MROH1: variants seen among roughly 807,000 people sequenced by gnomAD.
MROH1 encodes maestro heat like repeat family member 1.
Under a neutral mutation model 116.5 loss-of-function variants are expected in MROH1, and 117 were observed. The ratio of observed to expected loss-of-function variants is 1.00; its 90% CI spans 0.86 to 1.17. MROH1 has a LOEUF of 1.17. Ranked by LOEUF, MROH1 falls within the 50% of genes most tolerant of loss-of-function variation. MROH1 has a pLI of 0.00. For synonymous variants in MROH1, 921 were observed against 583.9 expected, an observed-to-expected ratio of 1.58 and a Z score of -8.32; for missense variants, 1,873 against 1,338.5, an observed-to-expected ratio of 1.40 and a Z score of -6.23.
At position 144,261,435 on chromosome 8, in the gene MROH1, A is replaced by C. The variant is rs908078026; in HGVS notation, c.4840+86A>C. 5.0e-4 allele frequency: 352 copies of C among 700,042 alleles called. 7 individuals are homozygous for C. The East Asian group carries it at 9.4e-3, about 19-fold the overall frequency. 43.4% of individuals were successfully genotyped at this position (700,042 alleles called of 1,614,324 possible). A position where few individuals can be genotyped will look rare whatever the true frequency, so the allele number is the denominator to read the frequency against. ...GGACTAAGTGATTTTCCTGGATTTC[A>C]GGACTTTTTCCCTGTCACTGGTGAC... On this transcript the variant is annotated intron_variant, in intron 43 of 43. Coordinates refer to ENST00000326134, the MANE Select transcript of MROH1 (RefSeq NM_032450.3).
chr8:144,240,359 G>A (rs1369437642), intron 19 of MROH1, among the ~76,000 whole-genome samples: 4 of 152,138 alleles, frequency 2.6e-5, no homozygotes, highest in South Asian at 2.1e-4. Context: ...TCTAGCAGTC[G>A]CAGCCCCAAG....
chr8:144,242,692 T>C (rs1841212505), intron 24 of MROH1, 64 bp downstream of exon 24: 2 of 752,586 alleles, frequency 2.7e-6, no homozygotes, highest in Admixed American at 1.9e-5. Context: ...TCTGGGCGGG[T>C]TGAGCTTCAT....
chr8:144,241,767 G>A (rs978860119), intron 22 of MROH1, among the ~76,000 whole-genome samples: 2 of 152,238 alleles, frequency 1.3e-5, no homozygotes, highest in Admixed American at 6.5e-5. Flanking sequence ...GGTGATGAGA[G>A]GGGTTCGCGG....
chr8:144,176,570 G>A lies in MROH1; in HGVS notation c.169-2885G>A, dbSNP rs114877879. On this transcript the variant is annotated intron_variant, in intron 4 of 43. Transcript: ENST00000326134. Reference sequence around the variant, plus strand: ...AAAAAAAAGAAATTTGGCCCGGTATGATGGCTCATGCCTATAATCTCAGCA... The same window carrying A: ...AAAAAAAAGAAATTTGGCCCGGTATAATGGCTCATGCCTATAATCTCAGCA... Among the ~76,000 whole-genome samples, 1,044 of 149,698 alleles carry A rather than the reference G, an allele frequency of 7.0e-3. 9 individuals carry two copies. The highest frequency in any genetic ancestry group is 0.024 in the African/African-American group (989 of 40,918).
intron 10 of MROH1, among the ~76,000 whole-genome samples, chr8:144,194,559 G>T (rs954544704): frequency 1.3e-5 from 2 of 152,180 alleles, no homozygotes; most frequent in Admixed American, 6.5e-5. Flanking sequence ...AACCAGGAGG[G>T]AAGGGAAGAT....
chr8:144,148,864 T>C (rs1816052677), intron 1 of MROH1: 1 of 152,562 alleles, frequency 6.6e-6, no homozygotes, highest in African/African-American at 2.4e-5. Flanking sequence ...GACAGACTCA[T>C]AAACTCAAGT....
intron 12 of MROH1, among the ~76,000 whole-genome samples, chr8:144,219,258 G>A (rs960871388): frequency 6.6e-6 from 1 of 152,016 alleles, no homozygotes; most frequent in East Asian, 1.9e-4. Context: ...TCCTGACCTC[G>A]TGATCCGCCC....
chr8:144,148,905 G>A (rs1363189611), intron 1 of MROH1: 1 of 152,508 alleles, frequency 6.6e-6, no homozygotes, highest in East Asian at 1.9e-4. Context: ...GGGGTACGGG[G>A]GTGTGGCCGA....
intron 32 of MROH1, among the ~76,000 whole-genome samples, chr8:144,249,705 C>G (rs886551581): frequency 6.6e-6 from 1 of 152,162 alleles, no homozygotes; most frequent in Non-Finnish European, 1.5e-5. Context: ...ACTCACAGCC[C>G]CCCCCAAGTC....
intron 1 of MROH1, among the ~76,000 whole-genome samples, chr8:144,157,883 G>A (rs1818543333): frequency 6.6e-6 from 1 of 150,932 alleles, no homozygotes. Flanking sequence ...TTGCCATGTT[G>A]CCCAGGTGGT....
At chr8:144,161,879 C>G (rs369985097) in intron 2 of MROH1, among the ~76,000 whole-genome samples, 1 of 152,216 alleles carries the variant, frequency 6.6e-6, no homozygotes, top group East Asian at 1.9e-4. Context: ...CCACTCAGCC[C>G]AGCTTCTCCG....
rs1817784610 is a variant in MROH1 at position 144,155,369 on chromosome 8, G to C, written c.-176-5601G>C. On this transcript the variant is annotated intron_variant, in intron 1 of 43. Transcript: ENST00000326134. The stretch of plus-strand genomic sequence containing the variant: ...TTTTAACTTCTTACAACAGATTTGT[G>C]TATATTTCATGGTAGTAAATGATAA... Among the ~76,000 whole-genome samples, 5 of 152,266 alleles carry C rather than the reference G, an allele frequency of 3.3e-5. No individual in the cohort carries two copies. The South Asian group carries it at 1.0e-3, about 32-fold the overall frequency.
intron 35 of MROH1, 82 bp downstream of exon 35, chr8:144,255,787 G>A (rs935936983): frequency 1.7e-4 from 119 of 680,778 alleles, no homozygotes; most frequent in South Asian, 2.6e-4. Context: ...GGGGGCGGAC[G>A]GCAGATCTGA....
rs891592826 is a variant in MROH1, at chr8:144,255,737, C to G, written c.3791+32C>G. On this transcript the variant is annotated intron_variant, in intron 35 of 43. Transcript: ENST00000326134. The stretch of plus-strand genomic sequence containing the variant: ...GGGTCCCCACTTCCCACCTCCAGTA[C>G]TGATTCGGAAGCACAGGCATGCGTG... 1.6e-4 allele frequency: 117 copies of G among 728,314 alleles called. No homozygotes were observed. In the African/African-American group the frequency reaches 1.6e-3, roughly 10 times the overall value. 45.1% of individuals were successfully genotyped at this position (728,314 alleles called of 1,614,324 possible). A position where few individuals can be genotyped will look rare whatever the true frequency, so the allele number is the denominator to read the frequency against.
intron 14 of MROH1, among the ~76,000 whole-genome samples, chr8:144,228,604 C>G (rs1258838422): frequency 1.3e-5 from 2 of 152,124 alleles, no homozygotes; most frequent in African/African-American, 2.4e-5. Flanking sequence ...GTTGGGATTA[C>G]AGCCACACGC....
chr8:144,149,531 C>G (rs925478579), intron 1 of MROH1, among the ~76,000 whole-genome samples: 21 of 152,146 alleles, frequency 1.4e-4, no homozygotes, highest in Admixed American at 2.6e-4. Flanking sequence ...GGTGCTGGTG[C>G]TTAGTTTTCT....
intron 4 of MROH1, chr8:144,175,202 A>G (rs1378399037): frequency 4.1e-6 from 4 of 972,624 alleles, no homozygotes; most frequent in East Asian, 2.3e-4. Context: ...TCGAGTGGGT[A>G]TAAATGCCCT....
chr8:144,245,144 C>A lies in MROH1; in HGVS notation c.2767-12C>A. 1.3e-6 allele frequency: 1 copy of A among 778,840 alleles called. No individual in the cohort carries two copies. The highest frequency in any genetic ancestry group is 1.7e-5 in the African/African-American group (1 of 59,220). 48.2% of individuals were successfully genotyped at this position (778,840 alleles called of 1,614,324 possible). On this transcript the variant is annotated splice_polypyrimidine_tract_variant and intron_variant, in intron 28 of 43. Coordinates refer to ENST00000326134, the MANE Select transcript of MROH1 (RefSeq NM_032450.3). ...CTCTGAGCAGTACCTGTGTGACGCC[C>A]CTCTTCCTCAGCACCTGAGCCCATG... is the stretch of plus-strand genomic sequence containing the variant.
At position 144,261,760 on chromosome 8, in the gene MROH1, A is replaced by C. The variant is rs1457207774; in HGVS notation, c.*20A>C. 1.4e-6 allele frequency: 1 copy of C among 704,234 alleles called. No individual in the cohort carries two copies. Among genetic ancestry groups the C allele is most frequent in the Non-Finnish European group, 2.6e-6 (1 of 386,314 alleles). 43.6% of individuals were successfully genotyped at this position (704,234 alleles called of 1,614,324 possible). A position where few individuals can be genotyped will look rare whatever the true frequency, so the allele number is the denominator to read the frequency against. ...GCCTAAGGCTCCGGCCAGCACCCCC[A>C]GCGAGGAGTATGCACCCAGACCTGT... On this transcript the variant is annotated 3_prime_UTR_variant, in exon 44 of 44. Coordinates refer to ENST00000326134, the MANE Select transcript of MROH1 (RefSeq NM_032450.3).
Sources: allele counts gnomAD v4.1 joint callset (sites outside exome capture counted in the v4.1 genomes callset), GRCh38; gene constraint gnomAD v4.1.1; transcripts MANE v1.5; gene names NCBI Gene and HGNC (gene_info 2026-07-23, HGNC 2026-07-21).